The following ERI3 variants were observed in gnomAD, a reference collection of about 807,000 sequenced individuals.
The protein encoded by ERI3 is ERI1 exoribonuclease 3.
A neutral mutation model predicts 44.4 loss-of-function variants in ERI3; 18 were observed. That is an observed-to-expected ratio of 0.41 (90% CI 0.28 to 0.60). ERI3 has a LOEUF of 0.60. Among genes scored for constraint, ERI3 ranks in the 20% least tolerant of loss-of-function variants. The pLI, the probability that ERI3 is intolerant of heterozygous loss-of-function variation, is 0.36. For synonymous variants in ERI3, 183 were observed against 164.8 expected, an observed-to-expected ratio of 1.11 and a Z score of -0.84; for missense variants, 294 against 435.5, an observed-to-expected ratio of 0.68 and a Z score of 2.89.
intron 6 of ERI3, among the ~76,000 whole-genome samples, chr1:44,306,878 T>C (rs1336346988): frequency 6.6e-6 from 1 of 152,204 alleles, no homozygotes; most frequent in African/African-American, 2.4e-5. Context: ...GGTATCAGCC[T>C]GAAACTGGCC....
intron 8 of ERI3, among the ~76,000 whole-genome samples, chr1:44,247,226 G>A (rs1206865682): frequency 6.6e-6 from 1 of 152,048 alleles, no homozygotes; most frequent in Non-Finnish European, 1.5e-5. Flanking sequence ...GAGACATACA[G>A]CTAAAGGTGT....
chr1:44,349,074 A>G (rs1166699821), intron 2 of ERI3, among the ~76,000 whole-genome samples: 1 of 152,228 alleles, frequency 6.6e-6, no homozygotes, highest in Non-Finnish European at 1.5e-5. Context: ...GTGAATTTCT[A>G]TCGGGAAGCT....
At chr1:44,259,788 G>C (rs563796849) in intron 7 of ERI3, among the ~76,000 whole-genome samples, 1 of 151,882 alleles carries the variant, frequency 6.6e-6, no homozygotes, top group South Asian at 2.1e-4. Context: ...AGGTGAGTGG[G>C]AGAATCCCTT....
Position 44,354,312 on chromosome 1 carries a change from C to T in ERI3, c.135+580G>A, listed in dbSNP as rs750979891. 4.0e-5 allele frequency: 39 copies of T among 985,446 alleles called. No individual in the cohort carries two copies. In the Middle Eastern group the frequency reaches 1.6e-3, roughly 40 times the overall value. 61.0% of individuals were successfully genotyped at this position (985,446 alleles called of 1,614,324 possible). A position where few individuals can be genotyped will look rare whatever the true frequency, so the allele number is the denominator to read the frequency against. ...GGGCACTATTTGTTGCAAAATCCAG[C>T]TCTAAGGACAAAATCCAAACCCCCA... is the stretch of plus-strand genomic sequence containing the variant. On this transcript the variant is annotated intron_variant, in intron 1 of 8. Transcript: ENST00000372257.
At chr1:44,319,604 G>A (rs1388511251) in intron 4 of ERI3, 24 bp downstream of exon 4, 1 of 1,554,164 alleles carries the variant, frequency 6.4e-7, no homozygotes, top group African/African-American at 1.4e-5. Flanking sequence ...AGCAGCCCCT[G>A]CTGCCCACTT....
rs1646975657 is a variant in ERI3 at position 44,355,156 on chromosome 1, C to G, written c.-130G>C. 1 of 1,217,354 alleles carries G rather than the reference C, an allele frequency of 8.2e-7. No homozygotes were observed. The highest frequency in any genetic ancestry group is 1.6e-5 in the African/African-American group (1 of 63,680). 75.4% of individuals were successfully genotyped at this position (1,217,354 alleles called of 1,614,324 possible). A position where few individuals can be genotyped will look rare whatever the true frequency, so the allele number is the denominator to read the frequency against. On this transcript the variant is annotated 5_prime_UTR_variant, in exon 1 of 9. Transcript: ENST00000372257. ...GCGCGGCCCGCGCCGACTGCGGCGC[C>G]GGCCAGGCAGAGGCAGGGCCAGCTC... is the stretch of plus-strand genomic sequence containing the variant.
chr1:44,308,435 T>C, intron 5 of ERI3, 34 bp from the exon 6 acceptor site: 2 of 1,559,260 alleles, frequency 1.3e-6, no homozygotes, highest in Non-Finnish European at 1.8e-6. Context: ...GAGATTTTCC[T>C]TTTTTTTCCC....
chr1:44,248,935 G>T (rs973196520), intron 7 of ERI3, among the ~76,000 whole-genome samples: 5 of 152,058 alleles, frequency 3.3e-5, no homozygotes, highest in African/African-American at 1.2e-4. Flanking sequence ...CCTGGGGGGG[G>T]GACACACGGC....
intron 6 of ERI3, among the ~76,000 whole-genome samples, chr1:44,299,247 A>G (rs1373792448): frequency 6.6e-6 from 1 of 152,122 alleles, no homozygotes; most frequent in African/African-American, 2.4e-5. Context: ...CAGTGGCACA[A>G]TCATGGCTCA....
intron 7 of ERI3, chr1:44,257,035 T>C (rs945187677): frequency 6.6e-6 from 1 of 152,098 alleles, no homozygotes; most frequent in African/African-American, 2.4e-5. Context: ...GTTTTCTTTG[T>C]TTTCATTACA....
intron 7 of ERI3, among the ~76,000 whole-genome samples, chr1:44,278,228 A>G (rs555670324): frequency 6.6e-6 from 1 of 152,284 alleles, no homozygotes; most frequent in East Asian, 1.9e-4. Flanking sequence ...CTGTAATCCC[A>G]ACACTTTGGG....
At chr1:44,291,329 A>AT (rs1450206128) in intron 6 of ERI3, among the ~76,000 whole-genome samples, 7 of 152,178 alleles carry the variant, frequency 4.6e-5, no homozygotes, top group African/African-American at 1.7e-4. Flanking sequence ...AAGATCCACC[A>AT]TGTCAGAAGA....
At chr1:44,222,131 G>A (rs1372860348) in intron 8 of ERI3, among the ~76,000 whole-genome samples, 1 of 152,230 alleles carries the variant, frequency 6.6e-6, no homozygotes, top group African/African-American at 2.4e-5. Flanking sequence ...TTTCGTGTGT[G>A]TGGGAGATGT....
chr1:44,354,757 C>A (rs1646963205), intron 1 of ERI3, 135 bp downstream of exon 1: 2 of 1,255,236 alleles, frequency 1.6e-6, no homozygotes. Flanking sequence ...GAACATTACT[C>A]AGTAGATTAA....
chr1:44,223,679 C>T (rs1159257575), intron 8 of ERI3, among the ~76,000 whole-genome samples: 2 of 152,178 alleles, frequency 1.3e-5, no homozygotes, highest in African/African-American at 4.8e-5. Context: ...ATTTGCTTCC[C>T]CTGGCCCAAG....
At position 44,287,333 on chromosome 1, in the gene ERI3, A is replaced by G. The variant is rs147309875; in HGVS notation, c.759-2426T>C. On this transcript the variant is annotated intron_variant, in intron 6 of 8. Coordinates refer to ENST00000372257, the MANE Select transcript of ERI3 (RefSeq NM_024066.3). Reference sequence around the variant, plus strand: ...CTAGAAAGTTTGGCTACAAGAATCCAGTTGAGATGACTGATTCCACTCCAG... The same window carrying G: ...CTAGAAAGTTTGGCTACAAGAATCCGGTTGAGATGACTGATTCCACTCCAG... Among the ~76,000 whole-genome samples the G allele has an allele frequency of 8.3e-3, 1,262 of 152,386 alleles. 4 individuals are homozygous for G. Among genetic ancestry groups the G allele is most frequent in the Non-Finnish European group, 0.014 (934 of 68,036 alleles).
intron 8 of ERI3, among the ~76,000 whole-genome samples, chr1:44,227,715 G>A (rs972382532): frequency 6.6e-6 from 1 of 151,536 alleles, no homozygotes; most frequent in Admixed American, 6.6e-5. Flanking sequence ...GGAAGATGAG[G>A]GCCAAGGCAG....
At chr1:44,283,764 A>G (rs1645335646) in intron 7 of ERI3, among the ~76,000 whole-genome samples, 2 of 152,170 alleles carry the variant, frequency 1.3e-5, no homozygotes, top group East Asian at 1.9e-4. Flanking sequence ...TGGCACAAAT[A>G]CTTATAAAGC....
intron 6 of ERI3, among the ~76,000 whole-genome samples, chr1:44,295,519 C>T (rs1351271566): frequency 6.6e-6 from 1 of 152,192 alleles, no homozygotes; most frequent in Non-Finnish European, 1.5e-5. Flanking sequence ...TGACTTTAGG[C>T]TACTACCGGA....
Sources: allele counts gnomAD v4.1 joint callset (sites outside exome capture counted in the v4.1 genomes callset), GRCh38; gene constraint gnomAD v4.1.1; transcripts MANE v1.5; gene names NCBI Gene and HGNC (gene_info 2026-07-23, HGNC 2026-07-21).